PCBP3: variants seen among roughly 807,000 people sequenced by gnomAD.
PCBP3 encodes poly(rC)-binding protein 3.
A neutral mutation model predicts 52.7 loss-of-function variants in PCBP3; 25 were observed. That is an observed-to-expected ratio of 0.47 (90% confidence interval 0.35 to 0.66). The LOEUF (loss-of-function observed/expected upper bound fraction) is 0.66. Among genes scored for constraint, PCBP3 ranks in the 30% least tolerant of loss-of-function variants. The pLI is 0.01. For synonymous variants in PCBP3, 162 were observed against 183.0 expected (o/e 0.89, Z 0.93); for missense variants, 391 against 490.3 (o/e 0.80, Z 1.91).
intron 4 of PCBP3, among the ~76,000 whole-genome samples, chr21:45,824,474 T>C (rs2093252287): frequency 6.6e-6 from 1 of 152,242 alleles, no homozygotes; most frequent in African/African-American, 2.4e-5. Flanking sequence ...TGACAACGCA[T>C]TCCCTATGTC....
chr21:45,701,162 A>G (rs1303896735), intron 2 of PCBP3, among the ~76,000 whole-genome samples: 4 of 152,214 alleles, frequency 2.6e-5, no homozygotes, highest in Non-Finnish European at 5.9e-5. Context: ...TTTCCTTCCA[A>G]TGTTAGTCTT....
chr21:45,813,112 A>G (rs967083676), intron 4 of PCBP3, among the ~76,000 whole-genome samples: 4 of 151,980 alleles, frequency 2.6e-5, no homozygotes, highest in Admixed American at 2.0e-4. Flanking sequence ...ACTTTTTCCC[A>G]TTTCAGTCTT....
intron 4 of PCBP3, among the ~76,000 whole-genome samples, chr21:45,766,384 G>A (rs564875786): frequency 6.6e-6 from 1 of 152,336 alleles, no homozygotes; most frequent in East Asian, 1.9e-4. Context: ...GGGTGGGCCC[G>A]AATTTGAGAG....
chr21:45,902,068 AGAG>A (rs2096070841), intron 9 of PCBP3, among the ~76,000 whole-genome samples: 1 of 152,168 alleles, frequency 6.6e-6, no homozygotes, highest in African/African-American at 2.4e-5. Context: ...GTGGGAGAGA[AGAG>A]GAGAGATGTG....
At chr21:45,768,330 G>A (rs1045333583) in intron 4 of PCBP3, among the ~76,000 whole-genome samples, 3 of 152,222 alleles carry the variant, frequency 2.0e-5, no homozygotes, top group Admixed American at 6.5e-5. Flanking sequence ...AGACTCTCAC[G>A]TCTGTTATAT....
intron 16 of PCBP3, 74 bp from the exon 17 acceptor site, chr21:45,939,956 C>G: frequency 7.1e-7 from 1 of 1,401,726 alleles, no homozygotes; most frequent in Non-Finnish European, 9.9e-7. Flanking sequence ...CCGGCCCCCT[C>G]GGGCGCACTG....
At chr21:45,867,600 G>A (rs879630375) in intron 5 of PCBP3, among the ~76,000 whole-genome samples, 4 of 152,272 alleles carry the variant, frequency 2.6e-5, no homozygotes, top group African/African-American at 4.8e-5. Context: ...CACAGACATG[G>A]TCCAGGTGTT....
chr21:45,925,801 T>C (rs1569503862), intron 13 of PCBP3, among the ~76,000 whole-genome samples: 1 of 152,194 alleles, frequency 6.6e-6, no homozygotes, highest in Non-Finnish European at 1.5e-5. Context: ...GCCTAAAACA[T>C]AGCTTTAAAA....
At chr21:45,822,591 G>A (rs1225640280) in intron 4 of PCBP3, among the ~76,000 whole-genome samples, 2 of 151,958 alleles carry the variant, frequency 1.3e-5, no homozygotes, top group Non-Finnish European at 2.9e-5. Flanking sequence ...GGAGAGCAAG[G>A]GGCGGACCCA....
chr21:45,849,494 C>T (rs546905518), intron 4 of PCBP3, among the ~76,000 whole-genome samples: 8 of 152,284 alleles, frequency 5.3e-5, no homozygotes, highest in African/African-American at 1.9e-4. Context: ...GCATGAGCCA[C>T]CACATCCAAC....
At chr21:45,705,857 A>G (rs2083415591) in intron 2 of PCBP3, among the ~76,000 whole-genome samples, 1 of 152,216 alleles carries the variant, frequency 6.6e-6, no homozygotes, top group African/African-American at 2.4e-5. Flanking sequence ...AGGCAGGAAT[A>G]AAATACTGAC....
At chr21:45,765,152 A>C (rs1468068255) in intron 4 of PCBP3, among the ~76,000 whole-genome samples, 1 of 152,140 alleles carries the variant, frequency 6.6e-6, no homozygotes, top group Non-Finnish European at 1.5e-5. Context: ...GGTGCCCTTT[A>C]GGGGAAGGTG....
chr21:45,809,560 G>A (rs1052165421), intron 4 of PCBP3, among the ~76,000 whole-genome samples: 9 of 152,174 alleles, frequency 5.9e-5, no homozygotes, highest in African/African-American at 1.9e-4. Flanking sequence ...AATCGTGCTC[G>A]GCTCTGGATC....
chr21:45,865,867 C>A (rs896640867), intron 5 of PCBP3, among the ~76,000 whole-genome samples: 6 of 152,222 alleles, frequency 3.9e-5, no homozygotes, highest in Non-Finnish European at 5.9e-5. Context: ...GTGCACCCCC[C>A]ACAGCCGGAG....
chr21:45,682,642 T>C (rs2081921221), intron 2 of PCBP3, among the ~76,000 whole-genome samples: 1 of 151,860 alleles, frequency 6.6e-6, no homozygotes, highest in Non-Finnish European at 1.5e-5. Context: ...ATGAGGTATG[T>C]AGTATGAGAG....
intron 15 of PCBP3, among the ~76,000 whole-genome samples, chr21:45,934,110 G>A (rs949179338): frequency 5.3e-5 from 8 of 152,134 alleles, no homozygotes; most frequent in Non-Finnish European, 4.4e-5. Flanking sequence ...AAGCATGGGG[G>A]TGGGAGGAGG....
chr21:45,707,510 CG>C (rs1415348598), intron 2 of PCBP3, among the ~76,000 whole-genome samples: 1 of 151,908 alleles, frequency 6.6e-6, no homozygotes, highest in Non-Finnish European at 1.5e-5. Context: ...AGTGAGACTC[CG>C]TCTCAAAAAT....
intron 2 of PCBP3, among the ~76,000 whole-genome samples, chr21:45,689,351 A>G (rs2082332278): frequency 6.6e-6 from 1 of 152,094 alleles, no homozygotes; most frequent in Non-Finnish European, 1.5e-5. Flanking sequence ...GATCACCTCA[A>G]TACATGCAGG....
intron 2 of PCBP3, among the ~76,000 whole-genome samples, chr21:45,677,756 G>A (rs1035647746): frequency 4.6e-5 from 7 of 152,180 alleles, no homozygotes; most frequent in Non-Finnish European, 8.8e-5. Flanking sequence ...CCTTAAGAAT[G>A]ATGCTAAATC....
Sources: gnomAD v4.1 joint callset for allele counts (sites outside exome capture counted in the v4.1 genomes callset) on GRCh38, gnomAD v4.1.1 for gene constraint, MANE v1.5 for transcripts, NCBI Gene and HGNC (gene_info 2026-07-23, HGNC 2026-07-21) for gene names.